Variants in YBX2 observed in about 807,000 individuals in gnomAD.
YBX2 encodes the protein Y-box binding protein 2.
In YBX2, 5 loss-of-function variants were observed where a neutral mutation model predicts 44.4. The observed-to-expected ratio is 0.11, with a 90% confidence interval of 0.06 to 0.24. YBX2 has a LOEUF of 0.24. Ranked by LOEUF, YBX2 falls within the 10% of genes least tolerant of loss-of-function variation. YBX2 has a pLI of 1.00. For missense variants in YBX2, 417 were observed against 526.9 expected (o/e 0.79, Z 2.04); for synonymous variants, 188 against 216.1 (o/e 0.87, Z 1.14).
At chr17:7,289,827 TG>T in intron 6 of YBX2, 102 bp from the exon 7 acceptor site, 1 of 1,592,564 alleles carries the variant, frequency 6.3e-7, no homozygotes, top group Non-Finnish European at 8.6e-7. Flanking sequence ...TTCCAGCCCA[TG>T]AGCACTGCCT....
Position 7,294,217 on chromosome 17 carries a change from G to T in YBX2, c.271+13C>A. The stretch of plus-strand genomic sequence containing the variant: ...GACCCCTCAGAGCCGCCCTGTGCGC[G>T]CCTGCCCCTCACCCAGCACCGGCTT... On this transcript the variant is annotated intron_variant, in intron 1 of 8. Transcript: ENST00000007699. This position sits in a 1 kb window ranked among gnomAD's most constrained non-coding sequence, Gnocchi z 4.6. 1 of 1,266,172 alleles carries T rather than the reference G, an allele frequency of 7.9e-7. No individual in the cohort carries two copies. Among genetic ancestry groups the T allele is most frequent in the Non-Finnish European group, 9.9e-7 (1 of 1,011,096 alleles). The allele number at this position is 1,266,172 out of a possible 1,614,324, so 78.4% of individuals were successfully genotyped here.
chr17:7,294,458 C>A lies in YBX2; in HGVS notation c.43G>T (p.Ala15Ser). ...EAAAGATAVP[A>S]ATVPATAAGV... ...GCCGCCGTCGCGGGCACCGTCGCCG[C>A]GGGGACCGCTGTAGCCCCCGCTGCC... is the stretch of plus-strand genomic sequence containing the variant. The change falls in exon 1 of 9, where the codon GCG becomes TCG. Residue 15 changes from alanine to serine, a missense_variant. Around this residue, in one of 3 missense-constraint regions of YBX2, gnomAD observed 121 missense variants for 141.3 expected, o/e 0.86. Transcript: ENST00000007699. This position sits in a 1 kb window ranked among gnomAD's most constrained non-coding sequence, Gnocchi z 4.6. The A allele has an allele frequency of 6.8e-7, 1 of 1,475,904 alleles. No individual in the cohort carries two copies. The highest frequency in any genetic ancestry group is 9.0e-7 in the Non-Finnish European group (1 of 1,116,650). 91.4% of individuals were successfully genotyped at this position (1,475,904 alleles called of 1,614,324 possible).
At chr17:7,292,151 T>C (rs1358630410) in intron 2 of YBX2, 92 bp from the exon 3 acceptor site, 1 of 1,441,360 alleles carries the variant, frequency 6.9e-7, no homozygotes, top group Non-Finnish European at 9.8e-7. Context: ...CTAAGCTCAG[T>C]GGGCCCATCC....
In YBX2 at chr17:7,291,921, TGAA is replaced by T. The variant is rs1409399288; in HGVS notation, c.369+102_369+104del. 8 of 1,461,156 alleles carry T rather than the reference TGAA, an allele frequency of 5.5e-6. No homozygotes were observed. Among genetic ancestry groups the T allele is most frequent in the Middle Eastern group, 3.5e-4 (2 of 5,772 alleles). 90.5% of individuals were successfully genotyped at this position (1,461,156 alleles called of 1,614,324 possible). A position where few individuals can be genotyped will look rare whatever the true frequency, so the allele number is the denominator to read the frequency against. On this transcript the variant is annotated intron_variant, in intron 3 of 8. Coordinates refer to ENST00000007699, the MANE Select transcript of YBX2 (RefSeq NM_015982.4). This position sits in a 1 kb window ranked among gnomAD's most constrained non-coding sequence, Gnocchi z 5.8. Reference sequence around the variant, plus strand: ...GGCACCCAAGGCGGATGGGCCGTTGTGAAGAAGAGCCAGAGAAACATGGCGGAG... The same window carrying T: ...GGCACCCAAGGCGGATGGGCCGTTGTGAAGAGCCAGAGAAACATGGCGGAG...
intron 2 of YBX2, chr17:7,292,381 C>T: frequency 5.2e-6 from 2 of 383,378 alleles, no homozygotes; most frequent in Non-Finnish European, 9.9e-6. Context: ...GCTAGCCTTA[C>T]AACCTGCCAG....
At position 7,294,587 on chromosome 17, in the gene YBX2, G is replaced by A; in HGVS notation, c.-87C>T. 6 of 1,236,992 alleles carry A rather than the reference G, an allele frequency of 4.9e-6. No individual in the cohort carries two copies. The highest frequency in any genetic ancestry group is 7.1e-5 in the East Asian group (2 of 28,078). The allele number at this position is 1,236,992 out of a possible 1,614,324, so 76.6% of individuals were successfully genotyped here. The stretch of plus-strand genomic sequence containing the variant: ...ACCCACCGCCCTGCTCGGTCCTCGC[G>A]CCCCGAGCCTCGCCCACACGCCGGC... On this transcript the variant is annotated 5_prime_UTR_variant, in exon 1 of 9. Coordinates refer to ENST00000007699, the MANE Select transcript of YBX2 (RefSeq NM_015982.4). The surrounding 1 kb of genome is among the most constrained non-coding windows in gnomAD (Gnocchi z 4.6).
rs1456940444 is a variant in YBX2 at position 7,291,049 on chromosome 17, C to G, written c.459+44G>C. 6.3e-7 allele frequency: 1 copy of G among 1,599,104 alleles called. No homozygotes were observed. Among genetic ancestry groups the G allele is most frequent in the Non-Finnish European group, 8.6e-7 (1 of 1,168,274 alleles). ...CCTGTGATGACCTCCAGGCCACCCTCCCGTAAGCCTAGTCAACTCTATACC... is the reference window on the plus strand; with the variant it reads ...CCTGTGATGACCTCCAGGCCACCCTGCCGTAAGCCTAGTCAACTCTATACC... On this transcript the variant is annotated intron_variant, in intron 4 of 8. Transcript: ENST00000007699. The surrounding 1 kb of genome is among the most constrained non-coding windows in gnomAD (Gnocchi z 5.8).
At position 7,294,295 on chromosome 17, in the gene YBX2, G is replaced by A; in HGVS notation, c.206C>T (p.Pro69Leu). 7.8e-7 allele frequency: 1 copy of A among 1,276,552 alleles called. No individual in the cohort carries two copies. The highest frequency in any genetic ancestry group is 9.8e-7 in the Non-Finnish European group (1 of 1,017,596). 79.1% of individuals were successfully genotyped at this position (1,276,552 alleles called of 1,614,324 possible). Residue 69 changes from proline to leucine, a missense_variant, in exon 1 of 9, where the codon CCG (proline) becomes CTG (leucine). Transcript: ENST00000007699. The surrounding 1 kb of genome is among the most constrained non-coding windows in gnomAD (Gnocchi z 4.6). The stretch of plus-strand genomic sequence containing the variant: ...GGGGGTTCCCGAGACCGCCGTCGCC[G>A]GATTGCCAGGGGTGCGGGAGCCCGG... ...SAPGSRTPGN[P>L]ATAVSGTPAP...
In YBX2 at chr17:7,290,039, G is replaced by C; in HGVS notation, c.777C>G (p.Ala259=). The C allele has an allele frequency of 6.2e-7, 1 of 1,614,248 alleles. No homozygotes were observed. Among genetic ancestry groups the C allele is most frequent in the South Asian group, 1.1e-5 (1 of 91,090 alleles). Residue 259 remains alanine, a synonymous_variant, in exon 6 of 9, where the codon GCC becomes GCG. Transcript: ENST00000007699. Reference sequence around the variant, plus strand: ...CCTGCTGTTGGTGCCCCTCCAATGGGGCTGTCTCTTTGGGTTCTACCCTGT... The same window carrying C: ...CCTGCTGTTGGTGCCCCTCCAATGGCGCTGTCTCTTTGGGTTCTACCCTGT... ...GTDRVEPKET[A]PLEGHQQQGD...
Position 7,291,773 on chromosome 17 carries a change from G to A in YBX2, c.369+253C>T, listed in dbSNP as rs994244739. ...CCTTCTCCCTCTGAAAACTGCCTCAGTGCTTCCTGGAGTGTTAACAGGTCC... is the reference window on the plus strand; with the variant it reads ...CCTTCTCCCTCTGAAAACTGCCTCAATGCTTCCTGGAGTGTTAACAGGTCC... On this transcript the variant is annotated intron_variant, in intron 3 of 8. Coordinates refer to ENST00000007699, the MANE Select transcript of YBX2 (RefSeq NM_015982.4). This position sits in a 1 kb window ranked among gnomAD's most constrained non-coding sequence, Gnocchi z 5.8. 3.7e-6 allele frequency: 2 copies of A among 538,084 alleles called. No individual in the cohort carries two copies. Among genetic ancestry groups the A allele is most frequent in the Non-Finnish European group, 6.7e-6 (2 of 297,722 alleles). 33.3% of individuals were successfully genotyped at this position (538,084 alleles called of 1,614,324 possible). A position where few individuals can be genotyped will look rare whatever the true frequency, so the allele number is the denominator to read the frequency against.
chr17:7,293,520 G>A lies in YBX2; in HGVS notation c.290C>T (p.Thr97Ile). 1 of 1,614,132 alleles carries A rather than the reference G, an allele frequency of 6.2e-7. No homozygotes were observed. Among genetic ancestry groups the A allele is most frequent in the Non-Finnish European group, 8.5e-7 (1 of 1,180,012 alleles). Reference protein sequence around the residue: ...KPVLAIQVLGTVKWFNVRNGY... With the variant: ...KPVLAIQVLGIVKWFNVRNGY... ...ATTCCGGACGTTGAACCATTTGACA[G>A]TGCCCAGGACTTGGATTGCTGCCAG... Residue 97 changes from threonine to isoleucine, a missense_variant, in exon 2 of 9, where the codon ACT (threonine) becomes ATT (isoleucine). Coordinates refer to ENST00000007699, the MANE Select transcript of YBX2 (RefSeq NM_015982.4).
rs574019722 is a variant in YBX2 at position 7,291,799 on chromosome 17, C to T, written c.369+227G>A. 3.4e-5 allele frequency: 20 copies of T among 586,036 alleles called. No individual in the cohort carries two copies. The highest frequency in any genetic ancestry group is 3.1e-4 in the Admixed American group (11 of 35,880). The allele number at this position is 586,036 out of a possible 1,614,324, so 36.3% of individuals were successfully genotyped here. The stretch of plus-strand genomic sequence containing the variant: ...TGCTTCCTGGAGTGTTAACAGGTCC[C>T]GGTGGGTAGTAAGCGTGCCATGCCC... On this transcript the variant is annotated intron_variant, in intron 3 of 8. Transcript: ENST00000007699. The surrounding 1 kb of genome is among the most constrained non-coding windows in gnomAD (Gnocchi z 5.8).
At chr17:7,292,128 C>G in intron 2 of YBX2, 69 bp from the exon 3 acceptor site, 11 of 1,575,440 alleles carry the variant, frequency 7.0e-6, no homozygotes, top group Non-Finnish European at 9.6e-6. Flanking sequence ...TGAGGTCCCC[C>G]TAGATGCCCA....
At chr17:7,289,748 G>C in intron 6 of YBX2, 23 bp from the exon 7 acceptor site, 2 of 1,612,654 alleles carry the variant, frequency 1.2e-6, no homozygotes, top group Non-Finnish European at 1.7e-6. Context: ...ACAAGGCTCT[G>C]AGGGGACCAG....
At position 7,290,452 on chromosome 17, in the gene YBX2, G is replaced by T; in HGVS notation, c.543C>A (p.Arg181=). 3.1e-6 allele frequency: 5 copies of T among 1,614,102 alleles called. No homozygotes were observed. Among genetic ancestry groups the T allele is most frequent in the Non-Finnish European group, 4.2e-6 (5 of 1,179,996 alleles). ...SRYAPNRRKS[R]RFIPRPPSVA... ...CTGAGGGAGGCCGGGGGATGAATCGGCGGGACTTACGTCGGTTGGGGGCAT... is the reference window on the plus strand; with the variant it reads ...CTGAGGGAGGCCGGGGGATGAATCGTCGGGACTTACGTCGGTTGGGGGCAT... Residue 181 remains arginine, a synonymous_variant, in exon 5 of 9, where the codon CGC becomes CGA. Coordinates refer to ENST00000007699, the MANE Select transcript of YBX2 (RefSeq NM_015982.4).
In YBX2 at chr17:7,291,183, CT is replaced by C; in HGVS notation, c.370-2del. On this transcript the variant is annotated splice_acceptor_variant, in intron 3 of 8. Coordinates refer to ENST00000007699, the MANE Select transcript of YBX2 (RefSeq NM_015982.4). LOFTEE classifies it high-confidence loss of function. This position sits in a 1 kb window ranked among gnomAD's most constrained non-coding sequence, Gnocchi z 5.8. ...TGGGGTTGTTTCTTTTAATAGCTGT[CT>C]GATTGGGGAAAAGGCCATGTGAAAA... 6.2e-7 allele frequency: 1 copy of C among 1,614,044 alleles called. No individual in the cohort carries two copies. Among genetic ancestry groups the C allele is most frequent in the Non-Finnish European group, 8.5e-7 (1 of 1,180,002 alleles).
Position 7,294,197 on chromosome 17 carries a change from C to G in YBX2, c.271+33G>C. ...TGCCCCTCCCCCAGCCCGCCGACCC[C>G]TCAGAGCCGCCCTGTGCGCGCCTGC... is the stretch of plus-strand genomic sequence containing the variant. On this transcript the variant is annotated intron_variant, in intron 1 of 8. Coordinates refer to ENST00000007699, the MANE Select transcript of YBX2 (RefSeq NM_015982.4). This position sits in a 1 kb window ranked among gnomAD's most constrained non-coding sequence, Gnocchi z 4.6. The G allele has an allele frequency of 2.4e-6, 3 of 1,258,866 alleles. No individual in the cohort carries two copies. The highest frequency in any genetic ancestry group is 3.0e-6 in the Non-Finnish European group (3 of 1,006,368). The allele number at this position is 1,258,866 out of a possible 1,614,324, so 78.0% of individuals were successfully genotyped here.
rs2072521566 is a variant in YBX2 at position 7,294,150 on chromosome 17, C to T, written c.271+80G>A. ...GCGGGCCAGGCCGCCTTTGGTTTTC[C>T]GGATCCTGCCGGGCTCCACACTGCC... is the stretch of plus-strand genomic sequence containing the variant. On this transcript the variant is annotated intron_variant, in intron 1 of 8. Transcript: ENST00000007699. This position sits in a 1 kb window ranked among gnomAD's most constrained non-coding sequence, Gnocchi z 4.6. The T allele has an allele frequency of 2.4e-6, 3 of 1,227,784 alleles. No individual in the cohort carries two copies. The highest frequency in any genetic ancestry group is 3.3e-5 in the East Asian group (1 of 30,632). The allele number at this position is 1,227,784 out of a possible 1,614,324, so 76.1% of individuals were successfully genotyped here.
Position 7,294,074 on chromosome 17 carries a change from G to T in YBX2, c.271+156C>A. 1.1e-6 allele frequency: 1 copy of T among 873,882 alleles called. No individual in the cohort carries two copies. Among genetic ancestry groups the T allele is most frequent in the Non-Finnish European group, 1.5e-6 (1 of 657,838 alleles). The allele number at this position is 873,882 out of a possible 1,614,324, so 54.1% of individuals were successfully genotyped here. On this transcript the variant is annotated intron_variant, in intron 1 of 8. Transcript: ENST00000007699. This position sits in a 1 kb window ranked among gnomAD's most constrained non-coding sequence, Gnocchi z 4.6. ...GAAGGTACGGCAGGATTTCCCACCA[G>T]GGGAATCCACTTTGGTGCGCAGCTC...
Sources: allele counts gnomAD v4.1 joint callset, GRCh38; gene constraint gnomAD v4.1.1; regional missense constraint gnomAD v4.1.1; non-coding constraint Gnocchi (gnomAD v3.1); transcripts MANE v1.5; gene names NCBI Gene and HGNC (gene_info 2026-07-23, HGNC 2026-07-21).